Variants in TEAD1 observed in about 807,000 individuals in gnomAD.
TEAD1 encodes TEA domain transcription factor 1.
A neutral mutation model predicts 54.9 loss-of-function variants in TEAD1; 9 were observed. That is an observed-to-expected ratio of 0.16 (90% CI 0.10 to 0.29). TEAD1 has a LOEUF of 0.29. Among genes scored for constraint, TEAD1 ranks in the 10% least tolerant of loss-of-function variants. The pLI, the probability that TEAD1 is intolerant of heterozygous loss-of-function variation, is 1.00. For synonymous variants in TEAD1, 200 were observed against 187.8 expected (o/e 1.07, Z -0.53); for missense variants, 387 against 535.9 (o/e 0.72, Z 2.74).
At chr11:12,801,273 G>A (rs1185590414) in intron 3 of TEAD1, among the ~76,000 whole-genome samples, 2 of 152,304 alleles carry the variant, frequency 1.3e-5, no homozygotes, top group East Asian at 3.9e-4. Context: ...ATGGTGATTG[G>A]TCTTGATGGG....
chr11:12,794,621 G>A (rs964863671), intron 3 of TEAD1, among the ~76,000 whole-genome samples: 5 of 152,154 alleles, frequency 3.3e-5, no homozygotes, highest in East Asian at 1.9e-4. Flanking sequence ...CAGTTCTGCC[G>A]GAGGCCTTCC....
At chr11:12,780,822 A>G (rs573074401) in intron 3 of TEAD1, among the ~76,000 whole-genome samples, 35 of 152,338 alleles carry the variant, frequency 2.3e-4, no homozygotes, top group African/African-American at 8.4e-4. Context: ...TCAGAATCCC[A>G]GGATCCCATG....
intron 2 of TEAD1, among the ~76,000 whole-genome samples, chr11:12,732,823 T>A (rs1232029730): frequency 6.6e-6 from 1 of 152,192 alleles, no homozygotes; most frequent in African/African-American, 2.4e-5. Flanking sequence ...TGTTGAATAG[T>A]GATTGCATAG....
At chr11:12,692,944 C>T (rs1383629973) in intron 2 of TEAD1, among the ~76,000 whole-genome samples, 3 of 152,196 alleles carry the variant, frequency 2.0e-5, no homozygotes, top group Non-Finnish European at 2.9e-5. Flanking sequence ...GTTCTTTTCC[C>T]CCTTTTCCTT....
chr11:12,751,515 A>G (rs1944869843), intron 2 of TEAD1, among the ~76,000 whole-genome samples: 1 of 152,126 alleles, frequency 6.6e-6, no homozygotes. Context: ...AGGTATGTGT[A>G]CTTATTTGTC....
intron 9 of TEAD1, among the ~76,000 whole-genome samples, chr11:12,890,685 G>C (rs765140665): frequency 2.6e-5 from 4 of 152,208 alleles, no homozygotes; most frequent in Non-Finnish European, 5.9e-5. Context: ...TTGAGCCAGA[G>C]CTCTGGACAG....
At chr11:12,925,887 C>T (rs922700038) in intron 11 of TEAD1, among the ~76,000 whole-genome samples, 1 of 152,206 alleles carries the variant, frequency 6.6e-6, no homozygotes, top group African/African-American at 2.4e-5. Flanking sequence ...TTGCCATTTC[C>T]ACTGCCTTCG....
chr11:12,862,478 C>T (rs891900825), intron 4 of TEAD1, among the ~76,000 whole-genome samples, 164 bp downstream of exon 4: 3 of 152,196 alleles, frequency 2.0e-5, no homozygotes, highest in Non-Finnish European at 4.4e-5. Context: ...TTTCACTGTT[C>T]ATCATTTCAG....
intron 9 of TEAD1, among the ~76,000 whole-genome samples, chr11:12,891,649 T>TA (rs1948200339): frequency 6.6e-6 from 1 of 152,202 alleles, no homozygotes; most frequent in African/African-American, 2.4e-5. Flanking sequence ...CTTGTTGAAA[T>TA]ACCTATTAGA....
chr11:12,885,151 A>C (rs1456631445), intron 9 of TEAD1, among the ~76,000 whole-genome samples: 1 of 152,186 alleles, frequency 6.6e-6, no homozygotes, highest in African/African-American at 2.4e-5. Flanking sequence ...AGAAGGAAAC[A>C]GGAGCCCAAA....
intron 3 of TEAD1, among the ~76,000 whole-genome samples, chr11:12,786,437 G>T (rs1036367553): frequency 1.3e-5 from 2 of 152,216 alleles, no homozygotes; most frequent in Non-Finnish European, 2.9e-5. Context: ...TCTCTCACTG[G>T]AGTTAGGAGT....
rs770287642 is a variant in TEAD1 at position 12,937,233 on chromosome 11, T to TTA, written c.*20_*21dup. ...CTTGTAAAGGACTGAACATGGTTATTTATATATATAGATATCTGTATATAC... is the reference window on the plus strand; with the variant it reads ...CTTGTAAAGGACTGAACATGGTTATTTATATATATATAGATATCTGTATATAC... On this transcript the variant is annotated 3_prime_UTR_variant, in exon 13 of 13. Transcript: ENST00000527636. 5 of 1,561,644 alleles carry TTA rather than the reference T, an allele frequency of 3.2e-6. No homozygotes were observed. The highest frequency in any genetic ancestry group is 4.4e-6 in the Non-Finnish European group (5 of 1,133,696).
At chr11:12,767,992 T>C (rs765277184) in intron 3 of TEAD1, among the ~76,000 whole-genome samples, 4 of 152,186 alleles carry the variant, frequency 2.6e-5, no homozygotes, top group Non-Finnish European at 4.4e-5. Flanking sequence ...GAGCAGGCTG[T>C]AGTTTAAAAC....
intron 3 of TEAD1, among the ~76,000 whole-genome samples, chr11:12,858,678 C>T (rs1290743821): frequency 6.6e-6 from 1 of 152,186 alleles, no homozygotes; most frequent in Non-Finnish European, 1.5e-5. Flanking sequence ...TGAGCTTGCT[C>T]ATCTGAAAAG....
intron 2 of TEAD1, among the ~76,000 whole-genome samples, chr11:12,701,761 T>C (rs1455136722): frequency 1.3e-5 from 2 of 152,176 alleles, no homozygotes. Flanking sequence ...GATAAGAGAC[T>C]TTAAGAGACT....
intron 10 of TEAD1, 127 bp from the exon 11 acceptor site, chr11:12,924,785 G>T (rs1232634556): frequency 8.7e-7 from 1 of 1,154,440 alleles, no homozygotes; most frequent in Non-Finnish European, 1.3e-6. Flanking sequence ...GTTTCTAGAT[G>T]AGCATCACCT....
intron 3 of TEAD1, among the ~76,000 whole-genome samples, chr11:12,838,163 A>G (rs1033134707): frequency 2.0e-5 from 3 of 152,182 alleles, no homozygotes; most frequent in Non-Finnish European, 4.4e-5. Context: ...ATGAGACCTA[A>G]TAACAGAAGT....
intron 5 of TEAD1, among the ~76,000 whole-genome samples, chr11:12,876,552 A>G (rs1947857913): frequency 6.6e-6 from 1 of 152,152 alleles, no homozygotes; most frequent in African/African-American, 2.4e-5. Flanking sequence ...GTTCTTTTGT[A>G]GCTATTGCTC....
At chr11:12,745,278 A>G (rs1944724233) in intron 2 of TEAD1, among the ~76,000 whole-genome samples, 2 of 152,230 alleles carry the variant, frequency 1.3e-5, no homozygotes, top group Non-Finnish European at 2.9e-5. Flanking sequence ...TGTGCCCTGC[A>G]TGAACTGTGT....
Sources: allele counts gnomAD v4.1 joint callset (sites outside exome capture counted in the v4.1 genomes callset), GRCh38; gene constraint gnomAD v4.1.1; transcripts MANE v1.5; gene names NCBI Gene and HGNC (gene_info 2026-07-23, HGNC 2026-07-21).